The following NBEAL1 variants were observed in gnomAD, a reference collection of about 807,000 sequenced individuals.
NBEAL1 encodes the protein neurobeachin-like protein 1.
In NBEAL1, 273 loss-of-function variants were observed where a neutral mutation model predicts 351.3. The ratio of observed to expected loss-of-function variants is 0.78; its 90% CI spans 0.70 to 0.86. The LOEUF is 0.86. Ranked by LOEUF, NBEAL1 falls within the 40% of genes least tolerant of loss-of-function variation. The pLI is 0.00. For synonymous variants in NBEAL1, 1,050 were observed against 1,086.4 expected (o/e 0.97, Z 0.66); for missense variants, 2,961 against 3,201.3 (o/e 0.92, Z 1.81).
intron 31 of NBEAL1, among the ~76,000 whole-genome samples, chr2:203,141,366 A>ATTTTTATTTTTTTTTTTTTT (rs2063370884): frequency 1.1e-4 from 1 of 9,098 alleles, no homozygotes; most frequent in African/African-American, 2.7e-4. Context: ...TATTATTATT[A>ATTTTTATTTTTTTTTTTTTT]TTTTTTTTTT....
At chr2:203,216,992 C>T (rs574257191) in intron 55 of NBEAL1, among the ~76,000 whole-genome samples, 2 of 152,146 alleles carry the variant, frequency 1.3e-5, no homozygotes, top group Admixed American at 1.3e-4. Context: ...TCAGTAGAGA[C>T]GGAAGTTTGC....
intron 48 of NBEAL1, among the ~76,000 whole-genome samples, chr2:203,198,925 C>G (rs56701081): frequency 6.6e-6 from 1 of 151,522 alleles, no homozygotes; most frequent in Admixed American, 6.6e-5. Context: ...TGGTGACTCA[C>G]GCCTGTCATC....
At chr2:203,142,609 G>T (rs2063409012) in intron 31 of NBEAL1, among the ~76,000 whole-genome samples, 1 of 151,826 alleles carries the variant, frequency 6.6e-6, no homozygotes, top group East Asian at 1.9e-4. Context: ...AAAGTACCTT[G>T]GTACTTTTAA....
At chr2:203,164,861 C>CT (rs36031308) in intron 36 of NBEAL1, among the ~76,000 whole-genome samples, 38,861 of 133,262 alleles carry the variant, frequency 0.29, 6,130 homozygotes, top group East Asian at 0.59. Flanking sequence ...TCCCATTTCT[C>CT]TTTTTTTTTT....
chr2:203,064,086 C>T (rs910877529), intron 6 of NBEAL1, among the ~76,000 whole-genome samples: 1 of 151,980 alleles, frequency 6.6e-6, no homozygotes, highest in Non-Finnish European at 1.5e-5. Flanking sequence ...CAGAGTCTTG[C>T]CCTGTTGCCC....
intron 14 of NBEAL1, among the ~76,000 whole-genome samples, chr2:203,108,591 G>T (rs1484540755): frequency 6.6e-6 from 1 of 151,764 alleles, no homozygotes; most frequent in Non-Finnish European, 1.5e-5. Context: ...TTTTCGTAGA[G>T]ATGGGGTTTC....
At chr2:203,132,186 G>T in intron 26 of NBEAL1, 54 bp downstream of exon 26, 1 of 1,180,510 alleles carries the variant, frequency 8.5e-7, no homozygotes, top group Non-Finnish European at 1.2e-6. Context: ...TTTCCTGTAA[G>T]TTTTTTTCAT....
intron 44 of NBEAL1, among the ~76,000 whole-genome samples, chr2:203,186,101 A>G (rs2064890058): frequency 6.6e-6 from 1 of 152,260 alleles, no homozygotes; most frequent in South Asian, 2.1e-4. Context: ...TTCGTTGGTC[A>G]TAAGATCTAT....
chr2:203,165,710 C>T (rs552238055), intron 36 of NBEAL1, among the ~76,000 whole-genome samples: 1 of 152,020 alleles, frequency 6.6e-6, no homozygotes, highest in Non-Finnish European at 1.5e-5. Flanking sequence ...GAGGGTAATT[C>T]AGATATTCTT....
intron 2 of NBEAL1, among the ~76,000 whole-genome samples, chr2:203,024,565 GA>G (rs554235093): frequency 1.4e-5 from 2 of 138,914 alleles, no homozygotes; most frequent in Non-Finnish European, 3.2e-5. Flanking sequence ...AAAAAAAAAA[GA>G]AAAAAAGAAA....
intron 53 of NBEAL1, among the ~76,000 whole-genome samples, chr2:203,210,031 A>C (rs547228818): frequency 6.6e-6 from 1 of 152,010 alleles, no homozygotes; most frequent in African/African-American, 2.4e-5. Context: ...GATTACAGAC[A>C]TGAGCCACCA....
chr2:203,186,058 A>G (rs2105757306), intron 44 of NBEAL1, among the ~76,000 whole-genome samples: 1 of 152,346 alleles, frequency 6.6e-6, no homozygotes, highest in South Asian at 2.1e-4. Flanking sequence ...AGGAATTGGC[A>G]AATTGTTTCT....
intron 47 of NBEAL1, among the ~76,000 whole-genome samples, chr2:203,194,425 A>G (rs1397597916): frequency 6.6e-6 from 1 of 152,208 alleles, no homozygotes; most frequent in African/African-American, 2.4e-5. Flanking sequence ...ATTCATACCT[A>G]TGAATGTGGT....
At chr2:203,170,119 C>T (rs920719784) in intron 39 of NBEAL1, among the ~76,000 whole-genome samples, 2 of 152,116 alleles carry the variant, frequency 1.3e-5, no homozygotes, top group African/African-American at 4.8e-5. Context: ...GCCTGTAATC[C>T]CAGCAATTTG....
chr2:203,109,279 C>T (rs1312327519), intron 14 of NBEAL1, among the ~76,000 whole-genome samples: 2 of 151,988 alleles, frequency 1.3e-5, no homozygotes, highest in African/African-American at 4.8e-5. Context: ...ATCACTTAAA[C>T]CCAGGAGGCA....
rs1232795986 is a variant in NBEAL1, at chr2:203,223,606, C to G, written c.*6252C>G. Reference sequence around the variant, plus strand: ...GATTTTTAAAAATTTATCAATTCAGCTACTTTTTAAAAGAAGTCCTATTCC... The same window carrying G: ...GATTTTTAAAAATTTATCAATTCAGGTACTTTTTAAAAGAAGTCCTATTCC... On this transcript the variant is annotated 3_prime_UTR_variant, in exon 56 of 56. Coordinates refer to ENST00000683969, the MANE Select transcript of NBEAL1 (RefSeq NM_001378026.1). Among the ~76,000 whole-genome samples the G allele has an allele frequency of 5.3e-5, 8 of 152,084 alleles. No homozygotes were observed. The East Asian group carries it at 1.3e-3, about 26-fold the overall frequency.
At chr2:203,043,935 C>T (rs867910561) in intron 3 of NBEAL1, among the ~76,000 whole-genome samples, 5 of 152,200 alleles carry the variant, frequency 3.3e-5, no homozygotes, top group Admixed American at 6.6e-5. Flanking sequence ...GCATGCAATA[C>T]AAATGGACTT....
chr2:203,058,237 G>A (rs1309807447), intron 6 of NBEAL1, among the ~76,000 whole-genome samples: 2 of 152,088 alleles, frequency 1.3e-5, no homozygotes, highest in Non-Finnish European at 2.9e-5. Context: ...TCACTATGTT[G>A]CCCAGACTGG....
chr2:203,171,540 G>C (rs1373078938), intron 39 of NBEAL1, among the ~76,000 whole-genome samples: 1 of 152,156 alleles, frequency 6.6e-6, no homozygotes, highest in Non-Finnish European at 1.5e-5. Context: ...AGGAGCTTGA[G>C]GCTGTAATGA....
Sources: gnomAD v4.1 joint callset for allele counts (sites outside exome capture counted in the v4.1 genomes callset) on GRCh38, gnomAD v4.1.1 for gene constraint, MANE v1.5 for transcripts, NCBI Gene and HGNC (gene_info 2026-07-23, HGNC 2026-07-21) for gene names.